Variants in PRKCE observed in about 807,000 individuals in gnomAD.
The protein encoded by PRKCE is protein kinase C epsilon type.
Under a neutral mutation model 85.4 loss-of-function variants are expected in PRKCE, and 16 were observed. That is an observed-to-expected ratio of 0.19 (90% CI 0.13 to 0.28). The LOEUF (loss-of-function observed/expected upper bound fraction) is 0.28. Ranked by LOEUF, PRKCE falls within the 10% of genes least tolerant of loss-of-function variation. The pLI is 1.00. For synonymous variants in PRKCE, 388 were observed against 371.5 expected, an observed-to-expected ratio of 1.04 and a Z score of -0.51; for missense variants, 573 against 975.2, an observed-to-expected ratio of 0.59 and a Z score of 5.49.
chr2:45,942,510 G>A (rs148435012), intron 2 of PRKCE, among the ~76,000 whole-genome samples: 2,133 of 152,326 alleles, frequency 0.014, 13 homozygotes, highest in Middle Eastern at 0.02. Flanking sequence ...TGAGGAACGT[G>A]CAGCCGTTGT....
chr2:45,725,201 C>A (rs1262519551), intron 1 of PRKCE, among the ~76,000 whole-genome samples: 2 of 152,324 alleles, frequency 1.3e-5, no homozygotes, highest in Non-Finnish European at 2.9e-5. Context: ...AATGGAATAA[C>A]AAAGCCTGGA....
rs1388726033 is a variant in PRKCE, at chr2:45,984,596, A to T, written c.739A>T (p.Ile247Phe). The stretch of plus-strand genomic sequence containing the variant: ...CGTCAACATGCCCCACAAGTTCGGT[A>T]TCCACAACTACAAGGTCCCTACCTT... Reference protein sequence around the residue: ...FSVNMPHKFGIHNYKVPTFCD... With the variant: ...FSVNMPHKFGFHNYKVPTFCD... Residue 247 changes from isoleucine to phenylalanine, a missense_variant, in exon 6 of 15, where the codon ATC (isoleucine) becomes TTC (phenylalanine). Ile to Phe is a conservative substitution (Grantham distance 21, BLOSUM62 0). Transcript: ENST00000306156. 6.3e-7 allele frequency: 1 copy of T among 1,599,716 alleles called. No individual in the cohort carries two copies. Among genetic ancestry groups the T allele is most frequent in the Non-Finnish European group, 8.5e-7 (1 of 1,179,924 alleles).
At chr2:45,766,690 T>A (rs1257041197) in intron 1 of PRKCE, among the ~76,000 whole-genome samples, 2 of 152,224 alleles carry the variant, frequency 1.3e-5, no homozygotes, top group African/African-American at 4.8e-5. Context: ...GCCTCTTGAA[T>A]CATGCTTCAT....
chr2:46,107,054 T>C (rs963053023), intron 11 of PRKCE, among the ~76,000 whole-genome samples: 2 of 152,266 alleles, frequency 1.3e-5, no homozygotes, highest in Non-Finnish European at 1.5e-5. Flanking sequence ...TAAAGTTTTA[T>C]GGGTTTTAAC....
At chr2:45,714,745 C>G (rs1409032175) in intron 1 of PRKCE, among the ~76,000 whole-genome samples, 1 of 152,180 alleles carries the variant, frequency 6.6e-6, no homozygotes, top group Non-Finnish European at 1.5e-5. Flanking sequence ...GGTGTCTTCC[C>G]TGACTCAGGG....
At chr2:46,094,237 C>G (rs1670460528) in intron 11 of PRKCE, among the ~76,000 whole-genome samples, 1 of 152,206 alleles carries the variant, frequency 6.6e-6, no homozygotes, top group African/African-American at 2.4e-5. Context: ...CCTTTTCCCA[C>G]TATCCTGTGA....
chr2:45,974,623 A>G (rs34580606), intron 2 of PRKCE, among the ~76,000 whole-genome samples: 17,196 of 151,982 alleles, frequency 0.11, 991 homozygotes, highest in Middle Eastern at 0.2. Context: ...ACCTCCTTCA[A>G]TTTTACCTTC....
chr2:45,731,257 A>G (rs1412109946), intron 1 of PRKCE, among the ~76,000 whole-genome samples: 1 of 152,142 alleles, frequency 6.6e-6, no homozygotes, highest in Non-Finnish European at 1.5e-5. Context: ...TGCCTATGAC[A>G]ACTCAGCCTC....
chr2:45,767,539 T>C (rs1435959674), intron 1 of PRKCE, among the ~76,000 whole-genome samples: 1 of 152,238 alleles, frequency 6.6e-6, no homozygotes, highest in African/African-American at 2.4e-5. Context: ...AGGCACTGGT[T>C]TGGGCTTTGT....
rs1470015083 is a variant in PRKCE at position 45,704,030 on chromosome 2, A to G, written c.348+51582A>G. 9.2e-5 allele frequency among the ~76,000 whole-genome samples: 14 copies of G among 152,218 alleles called. No individual in the cohort carries two copies. In the East Asian group the frequency reaches 1.9e-3, roughly 21 times the overall value. On this transcript the variant is annotated intron_variant, in intron 1 of 14. Transcript: ENST00000306156. ...TGTTATTTCACCCATTCATCTATCC[A>G]TTAACCAAACATTCATTGAGCATTT...
intron 10 of PRKCE, among the ~76,000 whole-genome samples, chr2:46,018,871 A>G (rs571419797): frequency 8.5e-5 from 13 of 152,362 alleles, no homozygotes; most frequent in African/African-American, 2.9e-4. Context: ...TCTCGTAGAC[A>G]TTCTGCATCG....
chr2:45,803,820 A>G (rs1688047591), intron 1 of PRKCE, among the ~76,000 whole-genome samples: 1 of 152,218 alleles, frequency 6.6e-6, no homozygotes, highest in African/African-American at 2.4e-5. Flanking sequence ...TGTAAATTTC[A>G]TTAATTTACA....
At chr2:45,926,909 G>T (rs531329247) in intron 2 of PRKCE, among the ~76,000 whole-genome samples, 2 of 151,978 alleles carry the variant, frequency 1.3e-5, no homozygotes, top group South Asian at 4.2e-4. Flanking sequence ...ATATGAACAT[G>T]TGTGAGTGTG....
chr2:45,835,577 C>T (rs568296643), intron 1 of PRKCE, among the ~76,000 whole-genome samples: 24 of 148,906 alleles, frequency 1.6e-4, no homozygotes, highest in South Asian at 1.1e-3. Flanking sequence ...CATGTTGTTG[C>T]ATGTATCGGT....
chr2:45,689,826 G>A (rs1677588557), intron 1 of PRKCE, among the ~76,000 whole-genome samples: 2 of 151,090 alleles, frequency 1.3e-5, no homozygotes, highest in Admixed American at 1.3e-4. Context: ...AACCTGGGAG[G>A]CAGAGGTTGC....
intron 14 of PRKCE, among the ~76,000 whole-genome samples, chr2:46,171,912 C>T (rs1017949389): frequency 1.3e-5 from 2 of 152,230 alleles, no homozygotes; most frequent in African/African-American, 4.8e-5. Context: ...TACCAGGAAA[C>T]AGAACCCCAG....
intron 1 of PRKCE, among the ~76,000 whole-genome samples, chr2:45,790,003 G>C (rs1207033677): frequency 1.3e-5 from 2 of 152,158 alleles, no homozygotes; most frequent in African/African-American, 4.8e-5. Context: ...ATTTATCTCT[G>C]GTCCCAAGAG....
At chr2:45,968,876 T>C (rs1318492260) in intron 2 of PRKCE, among the ~76,000 whole-genome samples, 3 of 151,946 alleles carry the variant, frequency 2.0e-5, no homozygotes, top group African/African-American at 7.3e-5. Flanking sequence ...CATCTCTCCC[T>C]GAGTCCCTGA....
chr2:45,656,808 T>C (rs898117861), intron 1 of PRKCE, among the ~76,000 whole-genome samples: 6 of 152,222 alleles, frequency 3.9e-5, no homozygotes, highest in African/African-American at 1.4e-4. Context: ...AGAATAGAAA[T>C]TGCAGGCCAG....
Sources: gnomAD v4.1 joint callset for allele counts (sites outside exome capture counted in the v4.1 genomes callset) on GRCh38, gnomAD v4.1.1 for gene constraint, MANE v1.5 for transcripts, NCBI Gene and HGNC (gene_info 2026-07-23, HGNC 2026-07-21) for gene names.